Variants in GALNT17 observed in about 807,000 individuals in gnomAD.
GALNT17 encodes the protein UDP-GalNAc:polypeptide N-acetylgalactosaminyltransferase-like 3.
Under a neutral mutation model 63.7 loss-of-function variants are expected in GALNT17, and 29 were observed. The ratio of observed to expected loss-of-function variants is 0.46; its 90% CI spans 0.34 to 0.62. The LOEUF (loss-of-function observed/expected upper bound fraction) is 0.62. Among genes scored for constraint, GALNT17 ranks in the 20% least tolerant of loss-of-function variants. The pLI is 0.01. For synonymous variants in GALNT17, 305 were observed against 318.3 expected (o/e 0.96, Z 0.45); for missense variants, 603 against 799.6 (o/e 0.75, Z 2.97).
At chr7:71,167,368 G>A (rs1168458466) in intron 1 of GALNT17, among the ~76,000 whole-genome samples, 1 of 152,056 alleles carries the variant, frequency 6.6e-6, no homozygotes, top group African/African-American at 2.4e-5. Context: ...GTATTTTTAT[G>A]TGTTTATTTG....
At chr7:71,169,685 AG>A (rs1218778915) in intron 1 of GALNT17, among the ~76,000 whole-genome samples, 5 of 152,064 alleles carry the variant, frequency 3.3e-5, no homozygotes, top group African/African-American at 1.2e-4. Flanking sequence ...CCTCCAGAGT[AG>A]CTGGAACTAC....
intron 2 of GALNT17, among the ~76,000 whole-genome samples, chr7:71,379,119 A>G (rs1020777208): frequency 1.3e-5 from 2 of 152,178 alleles, no homozygotes; most frequent in Non-Finnish European, 2.9e-5. Context: ...GTAACAAAGG[A>G]GAAGTGCCTG....
intron 2 of GALNT17, 59 bp from the exon 3 acceptor site, chr7:71,388,176 G>T (rs1792982981): frequency 6.4e-7 from 1 of 1,557,608 alleles, no homozygotes; most frequent in Non-Finnish European, 8.8e-7. Flanking sequence ...ATGTCCAGCT[G>T]CAGTGCCTGA....
At chr7:71,682,155 G>A (rs906898615) in intron 9 of GALNT17, among the ~76,000 whole-genome samples, 1 of 152,064 alleles carries the variant, frequency 6.6e-6, no homozygotes, top group African/African-American at 2.4e-5. Flanking sequence ...TCAAACTCCC[G>A]ACCTCAGGTG....
At chr7:71,530,563 T>A (rs1481750754) in intron 5 of GALNT17, among the ~76,000 whole-genome samples, 3 of 149,716 alleles carry the variant, frequency 2.0e-5, no homozygotes, top group Non-Finnish European at 3.0e-5. Context: ...TATTTATTTA[T>A]TTATTTATTT....
chr7:71,399,038 G>C (rs1793190222), intron 3 of GALNT17, among the ~76,000 whole-genome samples: 1 of 152,038 alleles, frequency 6.6e-6, no homozygotes, highest in East Asian at 1.9e-4. Flanking sequence ...TTTGAGACCA[G>C]CCTGGCCAAC....
At chr7:71,210,165 C>T (rs1789349923) in intron 1 of GALNT17, among the ~76,000 whole-genome samples, 1 of 152,104 alleles carries the variant, frequency 6.6e-6, no homozygotes, top group African/African-American at 2.4e-5. Context: ...TTAGGTGATC[C>T]ACCTGCTTCA....
intron 6 of GALNT17, among the ~76,000 whole-genome samples, chr7:71,664,094 G>A: frequency 6.6e-6 from 1 of 151,186 alleles, no homozygotes; most frequent in East Asian, 1.9e-4. Context: ...TTTCCTTTTG[G>A]AGCAGGTCCT....
At chr7:71,415,177 G>GTCTTTATGTCTATAGAGTTAGATTCAGT (rs1316310665) in intron 3 of GALNT17, among the ~76,000 whole-genome samples, 1 of 152,058 alleles carries the variant, frequency 6.6e-6, no homozygotes, top group Non-Finnish European at 1.5e-5. Flanking sequence ...CCAAGTATCA[G>GTCTTTATGTCTATAGAGTTAGATTCAGT]TCTTTATGTC....
chr7:71,654,828 G>A lies in GALNT17; in HGVS notation c.1081-10583G>A, dbSNP rs10259004. Among the ~76,000 whole-genome samples, 1,302 of 151,954 alleles carry A rather than the reference G, an allele frequency of 8.6e-3. 23 individuals carry two copies. Among genetic ancestry groups the A allele is most frequent in the African/African-American group, 0.029 (1,218 of 41,374 alleles). On this transcript the variant is annotated intron_variant, in intron 6 of 10. Coordinates refer to ENST00000333538, the MANE Select transcript of GALNT17 (RefSeq NM_022479.3). The stretch of plus-strand genomic sequence containing the variant: ...ATTTTGAGATGGAGTCTTGCTTGTC[G>A]CCCAGACTAGAAAGCAGTGGCACGA...
At chr7:71,298,832 TG>T (rs1328708379) in intron 1 of GALNT17, among the ~76,000 whole-genome samples, 1 of 152,070 alleles carries the variant, frequency 6.6e-6, no homozygotes, top group Non-Finnish European at 1.5e-5. Context: ...TTTCAGAGTT[TG>T]GTAGCCCAAT....
chr7:71,229,000 G>T (rs1789734589), intron 1 of GALNT17, among the ~76,000 whole-genome samples: 2 of 152,130 alleles, frequency 1.3e-5, no homozygotes, highest in South Asian at 4.1e-4. Flanking sequence ...GATCATCCAG[G>T]GCTGGGGCTT....
At chr7:71,619,666 C>T (rs1346576153) in intron 6 of GALNT17, among the ~76,000 whole-genome samples, 1 of 152,178 alleles carries the variant, frequency 6.6e-6, no homozygotes, top group Admixed American at 6.5e-5. Flanking sequence ...TTACTTAAGT[C>T]GTTTATCAAC....
chr7:71,510,377 C>T lies in GALNT17; in HGVS notation c.963-60908C>T, dbSNP rs554451543. Among the ~76,000 whole-genome samples, 4 of 152,330 alleles carry T rather than the reference C, an allele frequency of 2.6e-5. No individual in the cohort carries two copies. In the South Asian group the frequency reaches 8.3e-4, roughly 32 times the overall value. ...CTTCTTAGCTATCATCTCTCAGCCC[C>T]TCCATCCCTCCCAGCCCTAGACAAT... On this transcript the variant is annotated intron_variant, in intron 5 of 10. Transcript: ENST00000333538.
At chr7:71,413,361 T>C (rs1055097016) in intron 3 of GALNT17, among the ~76,000 whole-genome samples, 8 of 152,062 alleles carry the variant, frequency 5.3e-5, no homozygotes, top group Non-Finnish European at 1.2e-4. Flanking sequence ...TATTATAATT[T>C]GTTTTTATTT....
At chr7:71,414,983 C>CT (rs372001251) in intron 3 of GALNT17, among the ~76,000 whole-genome samples, 71 of 117,502 alleles carry the variant, frequency 6.0e-4, no homozygotes, top group Non-Finnish European at 8.5e-4. Context: ...CAAAGTATCA[C>CT]TTTTTTTTTT....
intron 6 of GALNT17, among the ~76,000 whole-genome samples, chr7:71,615,604 G>A (rs1481806057): frequency 6.7e-6 from 1 of 149,636 alleles, no homozygotes; most frequent in African/African-American, 2.5e-5. Flanking sequence ...ACCCTCCCAA[G>A]TAGTTGGGAC....
At chr7:71,452,727 G>T (rs550296801) in intron 5 of GALNT17, among the ~76,000 whole-genome samples, 1 of 152,156 alleles carries the variant, frequency 6.6e-6, no homozygotes, top group Non-Finnish European at 1.5e-5. Context: ...AGAGCAGGGG[G>T]TGACTCTGTC....
intron 6 of GALNT17, among the ~76,000 whole-genome samples, chr7:71,658,477 G>C (rs1790861424): frequency 6.6e-6 from 1 of 152,134 alleles, no homozygotes; most frequent in Non-Finnish European, 1.5e-5. Context: ...GGGTAGTTTA[G>C]GGCAGGCTTT....
Sources: gnomAD v4.1 joint callset for allele counts (sites outside exome capture counted in the v4.1 genomes callset) on GRCh38, gnomAD v4.1.1 for gene constraint, MANE v1.5 for transcripts, NCBI Gene and HGNC (gene_info 2026-07-23, HGNC 2026-07-21) for gene names.